CDC27: variants seen among roughly 807,000 people sequenced by gnomAD.
CDC27 encodes the protein cell division cycle 27.
CDC27 carries 27 observed loss-of-function variants against 109.7 expected under a neutral mutation model. The ratio of observed to expected loss-of-function variants is 0.25; its 90% CI spans 0.18 to 0.34. The LOEUF is 0.34. CDC27 is among the 10% of genes least tolerant of loss of function. The pLI, the probability that CDC27 is intolerant of heterozygous loss-of-function variation, is 1.00. For synonymous variants in CDC27, 266 were observed against 333.9 expected (o/e 0.80, Z 2.22); for missense variants, 579 against 960.2 (o/e 0.60, Z 5.25).
At chr17:47,158,780 G>A (rs925121662) in intron 4 of CDC27, among the ~76,000 whole-genome samples, 3 of 151,996 alleles carry the variant, frequency 2.0e-5, no homozygotes, top group Admixed American at 1.3e-4. Flanking sequence ...CACCATATCC[G>A]GCTAATTTTT....
intron 4 of CDC27, chr17:47,159,747 T>A: frequency 2.4e-6 from 1 of 412,462 alleles, no homozygotes; most frequent in South Asian, 2.0e-5. Flanking sequence ...TGCACCGGCA[T>A]AATCTTCAAA....
intron 14 of CDC27, among the ~76,000 whole-genome samples, chr17:47,135,456 T>C (rs2062551318): frequency 6.6e-6 from 1 of 151,730 alleles, no homozygotes; most frequent in Non-Finnish European, 1.5e-5. Flanking sequence ...TGATGGGGAA[T>C]AAGCATCAAA....
rs781023793 is a variant in CDC27, at chr17:47,137,343, C to A, written c.1722G>T (p.Gly574=). Reference sequence around the variant, plus strand: ...GTTCCCGTTGCAGACTGAAACAGTTCCCTGCAGCACACCAGGCCTTAAAAA... The same window carrying A: ...GTTCCCGTTGCAGACTGAAACAGTTACCTGCAGCACACCAGGCCTTAAAAA... ...KNSPEAWCAA[G]NCFSLQREHD... is the part of the protein sequence containing the mutation. The change falls in exon 14 of 19, where the codon GGG becomes GGT. Residue 574 remains glycine, a synonymous_variant. Coordinates refer to ENST00000066544, the MANE Select transcript of CDC27 (RefSeq NM_001256.6). 6.3e-7 allele frequency: 1 copy of A among 1,594,150 alleles called. No homozygotes were observed. Among genetic ancestry groups the A allele is most frequent in the South Asian group, 1.1e-5 (1 of 87,674 alleles).
chr17:47,152,250 T>C (rs975724153), intron 8 of CDC27, among the ~76,000 whole-genome samples: 1 of 152,138 alleles, frequency 6.6e-6, no homozygotes, highest in South Asian at 2.1e-4. Flanking sequence ...CTATTTGGGG[T>C]TAAGTACTAA....
chr17:47,128,724 G>A (rs1304337316), intron 16 of CDC27, among the ~76,000 whole-genome samples: 1 of 151,592 alleles, frequency 6.6e-6, no homozygotes, highest in Non-Finnish European at 1.5e-5. Flanking sequence ...AATAAAAGCT[G>A]AATAATGCAC....
chr17:47,157,915 G>C (rs1276012349), intron 5 of CDC27, among the ~76,000 whole-genome samples: 1 of 152,100 alleles, frequency 6.6e-6, no homozygotes, highest in African/African-American at 2.4e-5. Context: ...TATTCAGAAA[G>C]CAATTTTGCT....
chr17:47,159,446 C>T (rs996053051), intron 4 of CDC27: 22 of 728,918 alleles, frequency 3.0e-5, no homozygotes, highest in African/African-American at 9.0e-5. Flanking sequence ...GCTTCTTGGG[C>T]ACACGTGCCA....
intron 1 of CDC27, among the ~76,000 whole-genome samples, chr17:47,183,330 ATACAG>A (rs988499526): frequency 4.9e-4 from 74 of 152,348 alleles, no homozygotes; most frequent in African/African-American, 1.6e-3. Flanking sequence ...TATGCCTTAG[ATACAG>A]TAAAGGCTCA....
intron 2 of CDC27, among the ~76,000 whole-genome samples, chr17:47,178,524 C>A (rs867617092): frequency 5.2e-5 from 7 of 134,692 alleles, no homozygotes; most frequent in African/African-American, 1.1e-4. Flanking sequence ...GACAGGCTAT[C>A]TCAAAAATAA....
chr17:47,152,837 G>T (rs2063190890), intron 8 of CDC27, among the ~76,000 whole-genome samples: 1 of 152,018 alleles, frequency 6.6e-6, no homozygotes, highest in Non-Finnish European at 1.5e-5. Context: ...TATTTGTCCT[G>T]CCACTTCATT....
chr17:47,175,039 GAGGAAGGAAGGAAGGA>G lies in CDC27; in HGVS notation c.104-2991_104-2976del, dbSNP rs71138592. Among the ~76,000 whole-genome samples the G allele has an allele frequency of 9.7e-3, 1,258 of 129,998 alleles. 11 individuals are homozygous for G. Among genetic ancestry groups the G allele is most frequent in the Middle Eastern group, 0.026 (7 of 272 alleles). 85.3% of individuals were successfully genotyped at this position (129,998 alleles called of 152,430 possible). ...AGAAAGAAAGAGAGAAAGAGAGAGAGAGGAAGGAAGGAAGGAAGGAAGGAAGGAAGGAAGGAAGGAA... is the reference window on the plus strand; with the variant it reads ...AGAAAGAAAGAGAGAAAGAGAGAGAGAGGAAGGAAGGAAGGAAGGAAGGAA... On this transcript the variant is annotated intron_variant, in intron 2 of 18. Coordinates refer to ENST00000066544, the MANE Select transcript of CDC27 (RefSeq NM_001256.6).
Position 47,137,157 on chromosome 17 carries a change from A to C in CDC27, c.1908T>G (p.Asn636Lys), listed in dbSNP as rs62075617. Residue 636 changes from asparagine (N) to lysine (K), a missense_variant, in exon 14 of 19, where the codon AAT becomes AAG. Around this residue, in one of 9 missense-constraint regions of CDC27, gnomAD observed 227 missense variants for 363.6 expected, o/e 0.62. Coordinates refer to ENST00000066544, the MANE Select transcript of CDC27 (RefSeq NM_001256.6). ...TGTACTTCATTACCACTTACCATGC[A>C]TTATAATGTCTAGGATTGACTCTGA... ...NAIRVNPRHY[N>K]AWYGLGMIYY... The C allele has an allele frequency of 6.3e-7, 1 of 1,585,428 alleles. No homozygotes were observed. Among genetic ancestry groups the C allele is most frequent in the South Asian group, 1.1e-5 (1 of 88,746 alleles).
chr17:47,173,662 CACCAACT>C (rs1476335199), intron 2 of CDC27, among the ~76,000 whole-genome samples: 1 of 152,038 alleles, frequency 6.6e-6, no homozygotes, highest in Non-Finnish European at 1.5e-5. Flanking sequence ...CTAATAAAGA[CACCAACT>C]ATTCTTTTTG....
At chr17:47,131,073 C>T (rs1177654070) in intron 15 of CDC27, among the ~76,000 whole-genome samples, 1 of 151,834 alleles carries the variant, frequency 6.6e-6, no homozygotes, top group East Asian at 1.9e-4. Flanking sequence ...ATACTAGTTC[C>T]CGAAAAGAGA....
intron 3 of CDC27, 79 bp downstream of exon 3, chr17:47,171,838 G>C (rs940989825): frequency 1.1e-6 from 1 of 941,632 alleles, no homozygotes; most frequent in Non-Finnish European, 1.6e-6. Context: ...GGGAATCAGA[G>C]TTTAATCTGA....
intron 2 of CDC27, among the ~76,000 whole-genome samples, chr17:47,176,644 T>C (rs2064022880): frequency 6.6e-6 from 1 of 152,160 alleles, no homozygotes; most frequent in Non-Finnish European, 1.5e-5. Context: ...TTACAACAAT[T>C]AGATACTTCT....
At chr17:47,125,557 CT>C (rs577379393) in intron 16 of CDC27, among the ~76,000 whole-genome samples, 47 of 145,158 alleles carry the variant, frequency 3.2e-4, no homozygotes, top group African/African-American at 3.3e-4. Flanking sequence ...TTAAAGAAAT[CT>C]TTTTTTTTTT....
intron 4 of CDC27, among the ~76,000 whole-genome samples, chr17:47,160,598 TA>T (rs1054135382): frequency 6.6e-6 from 1 of 152,092 alleles, no homozygotes; most frequent in Non-Finnish European, 1.5e-5. Flanking sequence ...AGCATTCAGG[TA>T]AAAAATACAA....
At chr17:47,174,177 T>C (rs370101394) in intron 2 of CDC27, among the ~76,000 whole-genome samples, 14 of 152,216 alleles carry the variant, frequency 9.2e-5, no homozygotes, top group African/African-American at 3.4e-4. Context: ...GGTGGTTTCT[T>C]AGGCTCCTCA....
Sources: allele counts gnomAD v4.1 joint callset (sites outside exome capture counted in the v4.1 genomes callset), GRCh38; gene constraint gnomAD v4.1.1; regional missense constraint gnomAD v4.1.1; transcripts MANE v1.5; gene names NCBI Gene and HGNC (gene_info 2026-07-23, HGNC 2026-07-21).